Variants in KAT7 observed in about 807,000 individuals in gnomAD.
KAT7 encodes histone acetyltransferase KAT7.
Under a neutral mutation model 82.1 loss-of-function variants are expected in KAT7, and 10 were observed. That is an observed-to-expected ratio of 0.12 (90% confidence interval 0.08 to 0.21). The LOEUF (loss-of-function observed/expected upper bound fraction) is 0.21. Among genes scored for constraint, KAT7 ranks in the 10% least tolerant of loss-of-function variants. The pLI is 1.00. For synonymous variants in KAT7, 250 were observed against 262.5 expected (o/e 0.95, Z 0.46); for missense variants, 378 against 760.9 (o/e 0.50, Z 5.92).
chr17:49,794,628 T>C (rs902293289), intron 2 of KAT7, among the ~76,000 whole-genome samples: 5 of 152,202 alleles, frequency 3.3e-5, no homozygotes, highest in African/African-American at 7.2e-5. Context: ...AATTTACAAG[T>C]TGAAAGATGG....
At chr17:49,804,154 C>T (rs1251358872) in intron 4 of KAT7, among the ~76,000 whole-genome samples, 4 of 151,402 alleles carry the variant, frequency 2.6e-5, no homozygotes, top group Middle Eastern at 3.5e-3. Flanking sequence ...CTGAGGCGGG[C>T]AGATCACGAG....
At chr17:49,818,077 G>C in intron 9 of KAT7, 66 bp downstream of exon 9, 1 of 1,383,862 alleles carries the variant, frequency 7.2e-7, no homozygotes, top group Non-Finnish European at 1.0e-6. Context: ...TCTAGATTTT[G>C]CCATAGCGAT....
At chr17:49,815,020 A>G (rs1476794601) in intron 7 of KAT7, 4 of 152,176 alleles carry the variant, frequency 2.6e-5, no homozygotes, top group Non-Finnish European at 4.4e-5. Flanking sequence ...CTTAAAAGGG[A>G]AGTTTCCTTT....
At chr17:49,817,075 G>A (rs2074243964) in intron 8 of KAT7, among the ~76,000 whole-genome samples, 1 of 152,024 alleles carries the variant, frequency 6.6e-6, no homozygotes, top group South Asian at 2.1e-4. Flanking sequence ...AGTGACCATT[G>A]TGGATATATT....
At chr17:49,825,785 A>G (rs1446371071) in intron 12 of KAT7, among the ~76,000 whole-genome samples, 3 of 152,044 alleles carry the variant, frequency 2.0e-5, no homozygotes, top group Admixed American at 2.0e-4. Context: ...ATAAGAGGGG[A>G]CTCCTGTGTC....
rs752688270 is a variant in KAT7, at chr17:49,826,114, A to G, written c.1595A>G (p.His532Arg). Reference protein sequence around the residue: ...YWKEVLLRYLHNFQGKEISIK... With the variant: ...YWKEVLLRYLRNFQGKEISIK... ...AAAGAAGTACTTCTCCGCTACCTGC[A>G]TAATTTTCAAGGCAAAGAGATTTCT... Residue 532 changes from histidine to arginine, a missense_variant, in exon 13 of 15, where the codon CAT becomes CGT. By Grantham distance (29) the His-to-Arg change is conservative (BLOSUM62 0). This residue lies in a region of KAT7 where 44 missense variants were observed against 102.2 expected (regional missense o/e 0.43). Coordinates refer to ENST00000259021, the MANE Select transcript of KAT7 (RefSeq NM_007067.5). 2.5e-6 allele frequency: 4 copies of G among 1,614,100 alleles called. No homozygotes were observed. The highest frequency in any genetic ancestry group is 3.4e-6 in the Non-Finnish European group (4 of 1,179,910).
At chr17:49,806,487 G>A (rs1256161047) in intron 5 of KAT7, among the ~76,000 whole-genome samples, 1 of 151,976 alleles carries the variant, frequency 6.6e-6, no homozygotes, top group South Asian at 2.1e-4. Flanking sequence ...TCTTCCCATT[G>A]TCCTCCCATT....
At position 49,796,816 on chromosome 17, in the gene KAT7, T is replaced by C; in HGVS notation, c.230T>C (p.Val77Ala). ...TEEPAYSTRR[V>A]TRSQQQPTPV... ...GAGCCTGCTTACTCTACCAGAAGAGTGACCCGTAGTCAGCAGCAGCCTACC... is the reference window on the plus strand; with the variant it reads ...GAGCCTGCTTACTCTACCAGAAGAGCGACCCGTAGTCAGCAGCAGCCTACC... Residue 77 changes from valine (V) to alanine (A), a missense_variant, in exon 3 of 15, where the codon GTG becomes GCG. Val to Ala is a moderately conservative substitution (Grantham distance 64, BLOSUM62 0). Around this residue, in one of 6 missense-constraint regions of KAT7, gnomAD observed 161 missense variants for 229.6 expected, o/e 0.70. Coordinates refer to ENST00000259021, the MANE Select transcript of KAT7 (RefSeq NM_007067.5). 1 of 1,614,038 alleles carries C rather than the reference T, an allele frequency of 6.2e-7. No homozygotes were observed. The highest frequency in any genetic ancestry group is 8.5e-7 in the Non-Finnish European group (1 of 1,180,016).
chr17:49,825,985 T>C lies in KAT7; in HGVS notation c.1481-15T>C. 1.1e-5 allele frequency: 18 copies of C among 1,605,184 alleles called. No homozygotes were observed. Among genetic ancestry groups the C allele is most frequent in the Non-Finnish European group, 1.5e-5 (18 of 1,174,566 alleles). On this transcript the variant is annotated splice_polypyrimidine_tract_variant and intron_variant, in intron 12 of 14. Coordinates refer to ENST00000259021, the MANE Select transcript of KAT7 (RefSeq NM_007067.5). ...CGAGTGTTGCTAGAAAAAGTCTGTATTTGTTCCCTGGCAGGTTATTTGCTT... is the reference window on the plus strand; with the variant it reads ...CGAGTGTTGCTAGAAAAAGTCTGTACTTGTTCCCTGGCAGGTTATTTGCTT...
chr17:49,798,177 A>G, intron 3 of KAT7, 142 bp from the exon 4 acceptor site: 9 of 694,700 alleles, frequency 1.3e-5, no homozygotes, highest in South Asian at 2.0e-5. Context: ...TTCATTTTCC[A>G]TTTAGCCATC....
chr17:49,822,561 A>G (rs2074318374), intron 11 of KAT7, among the ~76,000 whole-genome samples: 1 of 152,182 alleles, frequency 6.6e-6, no homozygotes, highest in East Asian at 1.9e-4. Context: ...CTTTTAGTAT[A>G]ACAACTTTAT....
At position 49,826,760 on chromosome 17, in the gene KAT7, C is replaced by A; in HGVS notation, c.1695C>A (p.Leu565=). The A allele has an allele frequency of 6.2e-7, 1 of 1,612,108 alleles. No homozygotes were observed. Among genetic ancestry groups the A allele is most frequent in the South Asian group, 1.1e-5 (1 of 90,968 alleles). The part of the protein sequence containing the change: ...IVSTLQALQM[L]KYWKGKHLVL... Reference sequence around the variant, plus strand: ...GCACTCTGCAAGCCCTTCAGATGCTCAAATACTGGAAGGGAAAACACCTAG... The same window carrying A: ...GCACTCTGCAAGCCCTTCAGATGCTAAAATACTGGAAGGGAAAACACCTAG... The change falls in exon 14 of 15, where the codon CTC becomes CTA. Residue 565 remains leucine, a synonymous_variant. Coordinates refer to ENST00000259021, the MANE Select transcript of KAT7 (RefSeq NM_007067.5).
At chr17:49,805,287 A>T in intron 4 of KAT7, 76 bp from the exon 5 acceptor site, 1 of 973,088 alleles carries the variant, frequency 1.0e-6, no homozygotes, top group Non-Finnish European at 1.6e-6. Flanking sequence ...GCAAAAAAAC[A>T]GGTTTGTCTT....
At chr17:49,790,186 G>A (rs1024834785) in intron 1 of KAT7, among the ~76,000 whole-genome samples, 1 of 152,034 alleles carries the variant, frequency 6.6e-6, no homozygotes, top group Non-Finnish European at 1.5e-5. Flanking sequence ...TGGGTGGTAT[G>A]TATGTGTTTT....
intron 7 of KAT7, among the ~76,000 whole-genome samples, chr17:49,812,198 T>C (rs577253410): frequency 6.6e-6 from 1 of 152,180 alleles, no homozygotes; most frequent in Admixed American, 6.5e-5. Flanking sequence ...TCTTACTGTA[T>C]GTAGCACTTT....
rs201607921 is a variant in KAT7 at position 49,798,506 on chromosome 17, T to C, written c.528T>C (p.His176=). 3.1e-6 allele frequency: 5 copies of C among 1,613,960 alleles called. No individual in the cohort carries two copies. In the Admixed American group the frequency reaches 5.0e-5, roughly 16 times the overall value. ...LSHRPKRRRF[H]ESYNFNMKCP... is the part of the protein sequence containing the mutation. ...ATCGCCCCAAGCGCCGTCGCTTCCA[T>C]GAAAGCTACAACTTCAATATGAAGT... Residue 176 remains histidine, a synonymous_variant, in exon 4 of 15, where the codon CAT becomes CAC. Coordinates refer to ENST00000259021, the MANE Select transcript of KAT7 (RefSeq NM_007067.5).
At chr17:49,794,494 C>T (rs1475255236) in intron 2 of KAT7, among the ~76,000 whole-genome samples, 1 of 152,118 alleles carries the variant, frequency 6.6e-6, no homozygotes, top group Non-Finnish European at 1.5e-5. Flanking sequence ...CCGTGTTGTC[C>T]AGGCTTGTCT....
At chr17:49,790,345 T>C (rs1441057187) in intron 1 of KAT7, among the ~76,000 whole-genome samples, 2 of 152,204 alleles carry the variant, frequency 1.3e-5, no homozygotes, top group South Asian at 2.1e-4. Context: ...TACAGGCGGA[T>C]TCCATGACGC....
Position 49,796,809 on chromosome 17 carries a change from A to G in KAT7, c.223A>G (p.Arg75Gly). Residue 75 changes from arginine to glycine, a missense_variant, in exon 3 of 15, where the codon AGA becomes GGA. This residue lies in a region of KAT7 where 161 missense variants were observed against 229.6 expected (regional missense o/e 0.70). Coordinates refer to ENST00000259021, the MANE Select transcript of KAT7 (RefSeq NM_007067.5). Reference sequence around the variant, plus strand: ...CACTGAGGAGCCTGCTTACTCTACCAGAAGAGTGACCCGTAGTCAGCAGCA... The same window carrying G: ...CACTGAGGAGCCTGCTTACTCTACCGGAAGAGTGACCCGTAGTCAGCAGCA... ...FGTEEPAYST[R>G]RVTRSQQQPT... is the part of the protein sequence containing the mutation. The G allele has an allele frequency of 6.2e-7, 1 of 1,614,014 alleles. No individual in the cohort carries two copies. Among genetic ancestry groups the G allele is most frequent in the Non-Finnish European group, 8.5e-7 (1 of 1,179,936 alleles).
Sources: gnomAD v4.1 joint callset for allele counts (sites outside exome capture counted in the v4.1 genomes callset) on GRCh38, gnomAD v4.1.1 for gene constraint, gnomAD v4.1.1 regional missense constraint, MANE v1.5 for transcripts, NCBI Gene and HGNC (gene_info 2026-07-23, HGNC 2026-07-21) for gene names.